The following BRINP1 variants were observed in gnomAD, a reference collection of about 807,000 sequenced individuals.
BRINP1 encodes BMP/retinoic acid inducible neural specific 1.
A neutral mutation model predicts 72.9 loss-of-function variants in BRINP1; 17 were observed. That is an observed-to-expected ratio of 0.23 (90% CI 0.16 to 0.35). The LOEUF is 0.35. Among genes scored for constraint, BRINP1 ranks in the 10% least tolerant of loss-of-function variants. BRINP1 has a pLI of 1.00. For synonymous variants in BRINP1, 418 were observed against 378.5 expected (o/e 1.10, Z -1.21); for missense variants, 850 against 1,001.6 (o/e 0.85, Z 2.04).
chr9:119,205,525 TGGTGAA>T (rs1402551489), intron 7 of BRINP1, among the ~76,000 whole-genome samples: 1 of 152,186 alleles, frequency 6.6e-6, no homozygotes, highest in East Asian at 1.9e-4. Context: ...GCACTGAGCA[TGGTGAA>T]GTGACTTGCC....
At chr9:119,286,869 G>A (rs927243006) in intron 2 of BRINP1, among the ~76,000 whole-genome samples, 4 of 152,002 alleles carry the variant, frequency 2.6e-5, no homozygotes, top group South Asian at 4.1e-4. Context: ...CTCTGACTTC[G>A]GTTATTCAAT....
At chr9:119,345,085 A>T (rs1316715665) in intron 1 of BRINP1, among the ~76,000 whole-genome samples, 4 of 152,228 alleles carry the variant, frequency 2.6e-5, no homozygotes. Flanking sequence ...AGTGAAATCG[A>T]GAGAGCCGGA....
chr9:119,343,526 T>C lies in BRINP1; in HGVS notation c.-51+25530A>G, dbSNP rs78907580. ...CTCCTCCTGCACGGCACCAATACCC[T>C]GTTTGAAAGCCATTCCTGCCTCCCA... On this transcript the variant is annotated intron_variant, in intron 1 of 7. Transcript: ENST00000265922. Among the ~76,000 whole-genome samples the C allele has an allele frequency of 1.3e-3, 194 of 152,322 alleles. 1 individual carries two copies. The highest frequency in any genetic ancestry group is 4.5e-3 in the African/African-American group (188 of 41,572).
intron 2 of BRINP1, among the ~76,000 whole-genome samples, chr9:119,286,477 G>A (rs1299944038): frequency 4.6e-5 from 7 of 152,076 alleles, no homozygotes; most frequent in African/African-American, 7.2e-5. Context: ...CTTGCGATCC[G>A]CCCACCTCGG....
At chr9:119,306,892 A>C (rs1831002561) in intron 2 of BRINP1, among the ~76,000 whole-genome samples, 2 of 152,146 alleles carry the variant, frequency 1.3e-5, no homozygotes, top group Admixed American at 6.5e-5. Context: ...ACACTCTAGG[A>C]ATCCAGTCAT....
intron 2 of BRINP1, among the ~76,000 whole-genome samples, chr9:119,275,625 C>T (rs1564235772): frequency 6.6e-6 from 1 of 152,108 alleles, no homozygotes; most frequent in African/African-American, 2.4e-5. Flanking sequence ...TGCTTGGGAC[C>T]AAGTCCATCC....
At chr9:119,276,526 C>T (rs771689707) in intron 2 of BRINP1, among the ~76,000 whole-genome samples, 7 of 152,166 alleles carry the variant, frequency 4.6e-5, no homozygotes, top group Non-Finnish European at 8.8e-5. Flanking sequence ...TTTGTAATTA[C>T]TGCAGAAGGT....
intron 1 of BRINP1, among the ~76,000 whole-genome samples, chr9:119,316,583 G>C (rs1831127209): frequency 6.6e-6 from 1 of 152,016 alleles, no homozygotes; most frequent in African/African-American, 2.4e-5. Context: ...GGGCCCTTAA[G>C]AGTATGCTAA....
In BRINP1 at chr9:119,271,417, T is replaced by C. The variant is rs144697627; in HGVS notation, c.219-22267A>G. Among the ~76,000 whole-genome samples, 353 of 152,030 alleles carry C rather than the reference T, an allele frequency of 2.3e-3. 3 individuals are homozygous for C. The highest frequency in any genetic ancestry group is 8.1e-3 in the African/African-American group (335 of 41,466). On this transcript the variant is annotated intron_variant, in intron 2 of 7. Coordinates refer to ENST00000265922, the MANE Select transcript of BRINP1 (RefSeq NM_014618.3). ...TTTAGAGAATATTGAGGATACTGGG[T>C]ATTAGATTATATTATGCAACTATCA...
At chr9:119,364,018 CTTTTTTT>C (rs139650782) in intron 1 of BRINP1, among the ~76,000 whole-genome samples, 1 of 125,512 alleles carries the variant, frequency 8.0e-6, no homozygotes, top group African/African-American at 2.9e-5. Flanking sequence ...TCATCCCTCC[CTTTTTTT>C]TTTTTTTTTT....
chr9:119,215,141 C>A (rs1181367604), intron 5 of BRINP1, among the ~76,000 whole-genome samples: 1 of 152,186 alleles, frequency 6.6e-6, no homozygotes, highest in Non-Finnish European at 1.5e-5. Flanking sequence ...ATTTTCTCTT[C>A]TTTGCTCTAA....
In BRINP1 at chr9:119,301,317, T is replaced by A. The variant is rs1190268267; in HGVS notation, c.218+11821A>T. 4.6e-5 allele frequency among the ~76,000 whole-genome samples: 7 copies of A among 152,306 alleles called. No homozygotes were observed. The East Asian group carries it at 1.4e-3, about 29-fold the overall frequency. ...GACCCAGTGGATTTATTACTTAAGG[T>A]ATGGTTTTGCCAGTCTCCTTGCCTC... On this transcript the variant is annotated intron_variant, in intron 2 of 7. Transcript: ENST00000265922.
chr9:119,331,994 G>A (rs2119013285), intron 1 of BRINP1, among the ~76,000 whole-genome samples: 1 of 152,300 alleles, frequency 6.6e-6, no homozygotes, highest in East Asian at 1.9e-4. Flanking sequence ...AGATCAGCAG[G>A]ATCAGCTGAG....
intron 4 of BRINP1, among the ~76,000 whole-genome samples, chr9:119,240,698 G>A (rs550158592): frequency 1.6e-4 from 25 of 152,082 alleles, no homozygotes; most frequent in African/African-American, 5.8e-4. Context: ...TTTGTTTGTT[G>A]GTCTGATTTA....
rs753392812 is a variant in BRINP1 at position 119,167,213 on chromosome 9, C to T, written c.2157G>A (p.Leu719=). 73 of 1,614,004 alleles carry T rather than the reference C, an allele frequency of 4.5e-5. No individual in the cohort carries two copies. The highest frequency in any genetic ancestry group is 5.4e-5 in the Non-Finnish European group (64 of 1,180,046). ...GGCGGTGTTTCAGCATACAGGAGAA[C>T]AAGTCCAGCTGGGGTTTCCCCGGGG... ...PVAPGKPQLD[L]FSCMLKHRLK... is the part of the protein sequence containing the mutation. Residue 719 remains leucine, a synonymous_variant, in exon 8 of 8, where the codon TTG becomes TTA. Coordinates refer to ENST00000265922, the MANE Select transcript of BRINP1 (RefSeq NM_014618.3). The surrounding 1 kb of genome is among the most constrained non-coding windows in gnomAD (Gnocchi z 4.3).
rs923249400 is a variant in BRINP1, at chr9:119,284,797, G to A, written c.218+28341C>T. ...TAGCTTGTTACAGAGAGGAAAGTTCGCTGCCAAGAAAGATGTGTCATTCCA... is the reference window on the plus strand; with the variant it reads ...TAGCTTGTTACAGAGAGGAAAGTTCACTGCCAAGAAAGATGTGTCATTCCA... On this transcript the variant is annotated intron_variant, in intron 2 of 7. Coordinates refer to ENST00000265922, the MANE Select transcript of BRINP1 (RefSeq NM_014618.3). Among the ~76,000 whole-genome samples the A allele has an allele frequency of 5.9e-5, 9 of 152,172 alleles. 1 individual carries two copies. The South Asian group carries it at 8.3e-4, about 14-fold the overall frequency.
At chr9:119,294,394 G>A (rs928328308) in intron 2 of BRINP1, among the ~76,000 whole-genome samples, 2 of 152,104 alleles carry the variant, frequency 1.3e-5, no homozygotes, top group African/African-American at 4.8e-5. Flanking sequence ...GGGCGTGTTG[G>A]CATATGCCTA....
At chr9:119,304,173 C>T (rs1005918876) in intron 2 of BRINP1, among the ~76,000 whole-genome samples, 1 of 152,140 alleles carries the variant, frequency 6.6e-6, no homozygotes, top group Non-Finnish European at 1.5e-5. Flanking sequence ...AGCCACTGCG[C>T]CCGGCTGCTA....
At chr9:119,198,269 T>C (rs1372639370) in intron 7 of BRINP1, among the ~76,000 whole-genome samples, 1 of 152,238 alleles carries the variant, frequency 6.6e-6, no homozygotes, top group Non-Finnish European at 1.5e-5. Context: ...CCCAACAAAC[T>C]ATTGGTTCCA....
Sources: gnomAD v4.1 joint callset for allele counts (sites outside exome capture counted in the v4.1 genomes callset) on GRCh38, gnomAD v4.1.1 for gene constraint, Gnocchi (gnomAD v3.1) non-coding constraint, MANE v1.5 for transcripts, NCBI Gene and HGNC (gene_info 2026-07-23, HGNC 2026-07-21) for gene names.